Variants in PTK2B observed in about 807,000 individuals in gnomAD.
PTK2B encodes the protein protein tyrosine kinase 2 beta.
PTK2B carries 71 observed loss-of-function variants against 142.9 expected under a neutral mutation model. The ratio of observed to expected loss-of-function variants is 0.50; its 90% CI spans 0.41 to 0.61. PTK2B has a LOEUF of 0.61. PTK2B is among the 20% of genes least tolerant of loss of function. The pLI is 0.00. For synonymous variants in PTK2B, 519 were observed against 503.4 expected (o/e 1.03, Z -0.42); for missense variants, 1,105 against 1,320.4 (o/e 0.84, Z 2.53).
intron 2 of PTK2B, among the ~76,000 whole-genome samples, chr8:27,400,103 A>G (rs1586239074): frequency 1.3e-5 from 2 of 152,308 alleles, no homozygotes; most frequent in East Asian, 3.9e-4. Flanking sequence ...CTTATTTTCA[A>G]ATAAAGAAGT....
chr8:27,402,554 C>G (rs1023954081), intron 2 of PTK2B, among the ~76,000 whole-genome samples: 4 of 152,172 alleles, frequency 2.6e-5, no homozygotes, highest in Non-Finnish European at 4.4e-5. Flanking sequence ...CTCCATCATC[C>G]ACTCCACAAA....
At chr8:27,437,707 C>T (rs1260497981) in intron 17 of PTK2B, 58 bp from the exon 18 acceptor site, 6 of 1,514,066 alleles carry the variant, frequency 4.0e-6, no homozygotes, top group African/African-American at 1.4e-5. Context: ...CACCCTGGTC[C>T]CCTGGCTCCA....
chr8:27,434,059 A>G (rs376504785), intron 11 of PTK2B, 34 bp from the exon 12 acceptor site: 2 of 1,612,436 alleles, frequency 1.2e-6, no homozygotes, highest in Non-Finnish European at 1.7e-6. Context: ...CTGTGTCCCC[A>G]GCTCCAACCT....
chr8:27,453,445 G>T (rs1811947619), intron 28 of PTK2B, among the ~76,000 whole-genome samples: 1 of 152,206 alleles, frequency 6.6e-6, no homozygotes, highest in Non-Finnish European at 1.5e-5. Flanking sequence ...GGTGTGGGCT[G>T]CTTCCCTCTT....
chr8:27,345,008 T>C (rs528590000), intron 1 of PTK2B, among the ~76,000 whole-genome samples: 21 of 152,014 alleles, frequency 1.4e-4, no homozygotes, highest in Non-Finnish European at 2.9e-4. Flanking sequence ...ACTAAAAATA[T>C]AAAAATTAGC....
At chr8:27,336,757 A>G (rs1804088724) in intron 1 of PTK2B, among the ~76,000 whole-genome samples, 1 of 152,146 alleles carries the variant, frequency 6.6e-6, no homozygotes. Context: ...TCAGCTCTTC[A>G]TGTTCTGTGG....
At chr8:27,351,848 CTG>C (rs1805111422) in intron 1 of PTK2B, among the ~76,000 whole-genome samples, 2 of 152,230 alleles carry the variant, frequency 1.3e-5, no homozygotes, top group Non-Finnish European at 2.9e-5. Context: ...AATGGAACCT[CTG>C]TTTGACTTTC....
chr8:27,431,153 C>G, intron 8 of PTK2B, 137 bp downstream of exon 8: 2 of 1,479,786 alleles, frequency 1.4e-6, no homozygotes, highest in Non-Finnish European at 1.8e-6. Context: ...GACCTGCCGT[C>G]GGTGGAAGTC....
At position 27,422,377 on chromosome 8, in the gene PTK2B, A is replaced by G. The variant is rs753098791; in HGVS notation, c.545A>G (p.Glu182Gly). The G allele has an allele frequency of 8.7e-6, 14 of 1,612,184 alleles. No individual in the cohort carries two copies. Among genetic ancestry groups the G allele is most frequent in the African/African-American group, 1.3e-5 (1 of 74,898 alleles). The part of the protein sequence containing the change: ...EGMALQLGCL[E>G]LRRFFKDMPH... ...ATGGCCCTGCAGCTGGGCTGCCTGG[A>G]GCTCAGGTATGTGGCCCTGAGGCCT... Residue 182 changes from glutamate to glycine, a missense_variant, in exon 5 of 31, where the codon GAG (glutamate) becomes GGG (glycine). Coordinates refer to ENST00000346049, the MANE Select transcript of PTK2B (RefSeq NM_173176.3).
At chr8:27,403,961 CCTCT>C (rs1038754798) in intron 2 of PTK2B, among the ~76,000 whole-genome samples, 12 of 151,526 alleles carry the variant, frequency 7.9e-5, no homozygotes, top group African/African-American at 1.9e-4. Context: ...TTCTCCTCCT[CCTCT>C]CTCTGTCTAT....
At chr8:27,310,516 C>T (rs950772721), upstream of PTK2B, among the ~76,000 whole-genome samples, 3 of 152,276 alleles carry the variant, frequency 2.0e-5, no homozygotes, top group African/African-American at 7.2e-5. Context: ...ACAAGGGGTG[C>T]ATGGCCTGGG....
chr8:27,442,827 T>C, intron 21 of PTK2B, 48 bp from the exon 22 acceptor site: 1 of 1,514,580 alleles, frequency 6.6e-7, no homozygotes, highest in Non-Finnish European at 9.2e-7. Flanking sequence ...CCAAGGAGCG[T>C]CTCACTTTGA....
At chr8:27,324,114 A>G (rs1803295431), upstream of PTK2B, among the ~76,000 whole-genome samples, 1 of 152,206 alleles carries the variant, frequency 6.6e-6, no homozygotes, top group Non-Finnish European at 1.5e-5. Flanking sequence ...CCCTCTGACC[A>G]TGTCCTTGCC....
chr8:27,380,588 G>A (rs1204117548), intron 1 of PTK2B: 1 of 151,990 alleles, frequency 6.6e-6, no homozygotes, highest in African/African-American at 2.4e-5. Flanking sequence ...AAGGGCTTGG[G>A]TAACGACAAG....
At chr8:27,439,420 C>T (rs750325793) in intron 20 of PTK2B, 22 bp downstream of exon 20, 1 of 1,599,114 alleles carries the variant, frequency 6.3e-7, no homozygotes, top group African/African-American at 1.3e-5. Flanking sequence ...TTTGGGAGGG[C>T]ATGAAAAGGT....
At chr8:27,443,817 G>A (rs939818816) in intron 22 of PTK2B, among the ~76,000 whole-genome samples, 2 of 152,042 alleles carry the variant, frequency 1.3e-5, no homozygotes, top group African/African-American at 2.4e-5. Context: ...CCCTCCCCGC[G>A]GGCCTGGCTC....
intron 3 of PTK2B, among the ~76,000 whole-genome samples, chr8:27,319,720 A>G (rs770299342): frequency 2.6e-5 from 4 of 152,190 alleles, no homozygotes; most frequent in Admixed American, 1.3e-4. Flanking sequence ...AGCAATAGCA[A>G]GGAAATGCAC....
chr8:27,422,310 A>G lies in PTK2B; in HGVS notation c.478A>G (p.Asn160Asp), dbSNP rs779839625. 2.5e-6 allele frequency: 4 copies of G among 1,613,406 alleles called. No homozygotes were observed. In the South Asian group the frequency reaches 3.3e-5, roughly 13 times the overall value. Residue 160 changes from asparagine to aspartate, a missense_variant, in exon 5 of 31, where the codon AAC becomes GAC. Transcript: ENST00000346049. ...TGACCTTTCTCCCCACCAGCTCCGG[A>G]ACGACTACATGCAGCGCTACGCCAG... The part of the protein sequence containing the change: ...TLLYFYQQLR[N>D]DYMQRYASKV...
chr8:27,455,184 T>C (rs540714206), intron 30 of PTK2B, among the ~76,000 whole-genome samples: 2 of 152,054 alleles, frequency 1.3e-5, no homozygotes, highest in South Asian at 4.2e-4. Context: ...GACCTTGAGA[T>C]TGGGAGATTG....
Sources: gnomAD v4.1 joint callset for allele counts (sites outside exome capture counted in the v4.1 genomes callset) on GRCh38, gnomAD v4.1.1 for gene constraint, MANE v1.5 for transcripts, NCBI Gene and HGNC (gene_info 2026-07-23, HGNC 2026-07-21) for gene names.